EPHA2: variants seen among roughly 807,000 people sequenced by gnomAD.
EPHA2 encodes the protein EPH receptor A2, also known as ephrin type-A receptor 2.
In EPHA2, 54 loss-of-function variants were observed where a neutral mutation model predicts 104.9. That is an observed-to-expected ratio of 0.51 (90% CI 0.41 to 0.65). The LOEUF (loss-of-function observed/expected upper bound fraction) is 0.65. Among genes scored for constraint, EPHA2 ranks in the 30% least tolerant of loss-of-function variants. The probability of loss-of-function intolerance (pLI) is 0.00; values close to 1 mark genes in which losing one functional copy is unlikely to be tolerated. For synonymous variants in EPHA2, 560 were observed against 559.1 expected (o/e 1.00, Z -0.02); for missense variants, 1,117 against 1,369.5 (o/e 0.82, Z 2.91).
chr1:16,141,577 G>A (rs1345761997), intron 3 of EPHA2, among the ~76,000 whole-genome samples: 8 of 152,342 alleles, frequency 5.3e-5, no homozygotes, highest in South Asian at 2.1e-4. Context: ...GCTCGGGGGC[G>A]TTCCCAGCCC....
At chr1:16,129,738 G>C in intron 15 of EPHA2, 149 bp from the exon 16 acceptor site, 1 of 1,075,838 alleles carries the variant, frequency 9.3e-7, no homozygotes, top group South Asian at 1.6e-5. Context: ...GTCAAGTAGG[G>C]TTCAATGAGA....
chr1:16,143,230 G>A (rs1569590456), intron 3 of EPHA2, among the ~76,000 whole-genome samples: 1 of 151,590 alleles, frequency 6.6e-6, no homozygotes, highest in African/African-American at 2.4e-5. Flanking sequence ...GTGGAGGGGT[G>A]GATGGATGGA....
chr1:16,133,654 T>TG (rs1388861879), intron 9 of EPHA2, 48 bp from the exon 10 acceptor site: 3 of 1,611,112 alleles, frequency 1.9e-6, no homozygotes, highest in South Asian at 1.1e-5. Context: ...AGGGGCCCCA[T>TG]GGGGGGTGCT....
At position 16,150,986 on chromosome 1, in the gene EPHA2, G is replaced by T. The variant is rs371940886; in HGVS notation, c.86-23C>A. The T allele has an allele frequency of 1.9e-6, 3 of 1,613,330 alleles. No homozygotes were observed. The highest frequency in any genetic ancestry group is 2.7e-5 in the African/African-American group (2 of 74,888). On this transcript the variant is annotated intron_variant, in intron 1 of 16. Transcript: ENST00000358432. The surrounding 1 kb of genome is among the most constrained non-coding windows in gnomAD (Gnocchi z 4.8). ...CCACTGAAAGGGAGAAGGGAGAGGGGGTGAGCCTGGGGGTGTCTTCAGGAG... is the reference window on the plus strand; with the variant it reads ...CCACTGAAAGGGAGAAGGGAGAGGGTGTGAGCCTGGGGGTGTCTTCAGGAG...
Position 16,130,166 on chromosome 1 carries a change from G to C in EPHA2, c.2669+60C>G. The C allele has an allele frequency of 6.2e-7, 1 of 1,610,596 alleles. No individual in the cohort carries two copies. Among genetic ancestry groups the C allele is most frequent in the South Asian group, 1.1e-5 (1 of 90,776 alleles). ...ACCTGGGTGGCCACTCTACCGAAGTGGTTCAAGAGTCTGCAGAAGGAAAAT... is the reference window on the plus strand; with the variant it reads ...ACCTGGGTGGCCACTCTACCGAAGTCGTTCAAGAGTCTGCAGAAGGAAAAT... On this transcript the variant is annotated intron_variant, in intron 15 of 16. Transcript: ENST00000358432. The surrounding 1 kb of genome is among the most constrained non-coding windows in gnomAD (Gnocchi z 4.5).
At chr1:16,139,830 C>T (rs1557509978) in intron 3 of EPHA2, among the ~76,000 whole-genome samples, 1 of 152,106 alleles carries the variant, frequency 6.6e-6, no homozygotes, top group East Asian at 1.9e-4. Context: ...GGGACTTTAT[C>T]CTGGAGGCAA....
At position 16,150,777 on chromosome 1, in the gene EPHA2, C is replaced by G. The variant is rs562297134; in HGVS notation, c.153+119G>C. The G allele has an allele frequency of 8.6e-7, 1 of 1,160,758 alleles. No individual in the cohort carries two copies. Among genetic ancestry groups the G allele is most frequent in the East Asian group, 2.4e-5 (1 of 42,468 alleles). The allele number at this position is 1,160,758 out of a possible 1,614,324, so 71.9% of individuals were successfully genotyped here. On this transcript the variant is annotated intron_variant, in intron 2 of 16. Coordinates refer to ENST00000358432, the MANE Select transcript of EPHA2 (RefSeq NM_004431.5). The surrounding 1 kb of genome is among the most constrained non-coding windows in gnomAD (Gnocchi z 4.8). ...AGAAGCTGGACCCTGAGCCTGAGACCTGGCTGAGCTGCTGAATTGAAGCCA... is the reference window on the plus strand; with the variant it reads ...AGAAGCTGGACCCTGAGCCTGAGACGTGGCTGAGCTGCTGAATTGAAGCCA...
At chr1:16,133,128 C>G in intron 11 of EPHA2, 52 bp downstream of exon 11, 1 of 1,607,698 alleles carries the variant, frequency 6.2e-7, no homozygotes, top group Non-Finnish European at 8.5e-7. Flanking sequence ...ACAGACAGAG[C>G]CCCTGCTAAG....
intron 3 of EPHA2, among the ~76,000 whole-genome samples, chr1:16,141,921 T>C (rs1364760150): frequency 6.6e-6 from 1 of 152,162 alleles, no homozygotes. Context: ...CCAGGGGCTG[T>C]CTCCAGGGCC....
intron 3 of EPHA2, among the ~76,000 whole-genome samples, chr1:16,144,329 G>A (rs552559630): frequency 2.0e-5 from 3 of 152,244 alleles, no homozygotes; most frequent in Non-Finnish European, 2.9e-5. Context: ...AATAAGGCCT[G>A]GTGGGACTTC....
In EPHA2 at chr1:16,132,223, GC is replaced by G; in HGVS notation, c.2165del (p.Gly722AlafsTer6). ...CCAGGTACTTCATGCCAGCTGCGAT[GC>G]CCCGCAGCATGCCCACCAGCTGCAG... is the stretch of plus-strand genomic sequence containing the variant. ...SVLQLVGMLR[G>X]IAAGMKYLAN... On this transcript the variant is annotated frameshift_variant, in exon 13 of 17. Coordinates refer to ENST00000358432, the MANE Select transcript of EPHA2 (RefSeq NM_004431.5). LOFTEE classifies it high-confidence loss of function. 1 of 1,614,206 alleles carries G rather than the reference GC, an allele frequency of 6.2e-7. No individual in the cohort carries two copies. The highest frequency in any genetic ancestry group is 8.5e-7 in the Non-Finnish European group (1 of 1,180,036).
At position 16,125,320 on chromosome 1, in the gene EPHA2, G is replaced by A. The variant is rs143828420; in HGVS notation, c.2826C>T (p.Asp942=). 203 of 1,611,384 alleles carry A rather than the reference G, an allele frequency of 1.3e-4. No individual in the cohort carries two copies. The highest frequency in any genetic ancestry group is 1.6e-4 in the Non-Finnish European group (183 of 1,178,804). ...GCCGCACCCCAATCCTCTTGATGTC[G>A]CTGTGGGCCGGGAGGGAGAGAGGGA... ...AIEKVVQMTN[D]DIKRIGVRLP... Residue 942 remains aspartate, a splice_region_variant and synonymous_variant, in exon 17 of 17, where the codon GAC becomes GAT. Transcript: ENST00000358432. The surrounding 1 kb of genome is among the most constrained non-coding windows in gnomAD (Gnocchi z 4.9).
chr1:16,129,366 G>T (rs1035338682), intron 16 of EPHA2, 68 bp downstream of exon 16: 3 of 1,565,094 alleles, frequency 1.9e-6, no homozygotes, highest in Non-Finnish European at 2.6e-6. Flanking sequence ...AGGGCTGGGG[G>T]GGGCATGGAG....
chr1:16,141,538 A>C (rs2024824578), intron 3 of EPHA2, among the ~76,000 whole-genome samples: 1 of 152,242 alleles, frequency 6.6e-6, no homozygotes, highest in Non-Finnish European at 1.5e-5. Flanking sequence ...GTGCTGGTTC[A>C]GGTGGTCCAG....
rs2024968462 is a variant in EPHA2 at position 16,148,275 on chromosome 1, T to C, written c.823+103A>G. 2.1e-6 allele frequency: 3 copies of C among 1,452,258 alleles called. No homozygotes were observed. Among genetic ancestry groups the C allele is most frequent in the East Asian group, 4.5e-5 (2 of 44,144 alleles). The allele number at this position is 1,452,258 out of a possible 1,614,324, so 90.0% of individuals were successfully genotyped here. ...TTTCCACTAACAGAACTAATGTGTG[T>C]CAAAGCAGGGATGAGCTTACCAAGA... On this transcript the variant is annotated intron_variant, in intron 3 of 16. Coordinates refer to ENST00000358432, the MANE Select transcript of EPHA2 (RefSeq NM_004431.5). The surrounding 1 kb of genome is among the most constrained non-coding windows in gnomAD (Gnocchi z 4.9).
rs1316934720 is a variant in EPHA2 at position 16,133,309 on chromosome 1, G to A, written c.1924C>T (p.Pro642Ser). 2 of 1,613,832 alleles carry A rather than the reference G, an allele frequency of 1.2e-6. No homozygotes were observed. Reference sequence around the variant, plus strand: ...GCTTTCAGCGTCTTGATGGCCACCGGCACCTCCTTCTTCCCCGAGGATGTC... The same window carrying A: ...GCTTTCAGCGTCTTGATGGCCACCGACACCTCCTTCTTCCCCGAGGATGTC... ...LKTSSGKKEV[P>S]VAIKTLKAGY... Residue 642 changes from proline to serine, a missense_variant, in exon 11 of 17, where the codon CCG (proline) becomes TCG (serine). Pro to Ser is a moderately conservative substitution (Grantham distance 74, BLOSUM62 -1). Around this residue, in one of 3 missense-constraint regions of EPHA2, gnomAD observed 113 missense variants for 104.3 expected, o/e 1.08. Transcript: ENST00000358432.
intron 10 of EPHA2, 21 bp downstream of exon 10, chr1:16,133,460 T>C (rs758894147): frequency 4.3e-6 from 7 of 1,614,022 alleles, no homozygotes; most frequent in Non-Finnish European, 5.9e-6. Flanking sequence ...TCAGGGCCCC[T>C]TGGCAGGGGG....
In EPHA2 at chr1:16,134,078, T is replaced by A. The variant is rs1175506685; in HGVS notation, c.1683-163A>T. Among the ~76,000 whole-genome samples the A allele has an allele frequency of 1.3e-5, 2 of 151,890 alleles. No individual in the cohort carries two copies. Among genetic ancestry groups the A allele is most frequent in the Non-Finnish European group, 2.9e-5 (2 of 67,940 alleles). On this transcript the variant is annotated intron_variant, in intron 8 of 16. Transcript: ENST00000358432. This position sits in a 1 kb window ranked among gnomAD's most constrained non-coding sequence, Gnocchi z 4.5. The stretch of plus-strand genomic sequence containing the variant: ...CAAGCTCCACTCTCAGGGCCGAGGG[T>A]GCGGAGAAGGCGGGTGGAGGAACAG...
chr1:16,124,481 A>G lies in EPHA2; in HGVS notation c.*734T>C, dbSNP rs1297077023. ...ACACTGACAGAATAGAAACTTATCC[A>G]AAAGGATGAGAGATGGGGCCGACTG... is the stretch of plus-strand genomic sequence containing the variant. On this transcript the variant is annotated 3_prime_UTR_variant, in exon 17 of 17. Transcript: ENST00000358432. The G allele has an allele frequency of 6.6e-6, 1 of 152,610 alleles. No homozygotes were observed. Among genetic ancestry groups the G allele is most frequent in the Non-Finnish European group, 1.5e-5 (1 of 68,050 alleles). 9.5% of individuals were successfully genotyped at this position (152,610 alleles called of 1,614,324 possible). A position where few individuals can be genotyped will look rare whatever the true frequency, so the allele number is the denominator to read the frequency against.
Sources: gnomAD v4.1 joint callset for allele counts (sites outside exome capture counted in the v4.1 genomes callset) on GRCh38, gnomAD v4.1.1 for gene constraint, gnomAD v4.1.1 regional missense constraint, Gnocchi (gnomAD v3.1) non-coding constraint, MANE v1.5 for transcripts, NCBI Gene and HGNC (gene_info 2026-07-23, HGNC 2026-07-21) for gene names.